The following COL22A1 variants were observed in gnomAD, a reference collection of about 807,000 sequenced individuals.
COL22A1 encodes the protein collagen alpha-1(XXII) chain.
COL22A1 carries 221 observed loss-of-function variants against 248.9 expected under a neutral mutation model. The observed-to-expected ratio is 0.89, with a 90% CI of 0.80 to 0.99. The LOEUF (loss-of-function observed/expected upper bound fraction) is 0.99. Ranked by LOEUF, COL22A1 falls within the 50% of genes least tolerant of loss-of-function variation. COL22A1 has a pLI of 0.00. For missense variants in COL22A1, 2,240 were observed against 2,179.0 expected (o/e 1.03, Z -0.56); for synonymous variants, 891 against 793.4 (o/e 1.12, Z -2.07).
chr8:138,870,320 A>G (rs1225931499), intron 3 of COL22A1, among the ~76,000 whole-genome samples: 2 of 151,290 alleles, frequency 1.3e-5, no homozygotes, highest in Admixed American at 6.6e-5. Flanking sequence ...GTGTGTGTAT[A>G]TAGAATGTGT....
At chr8:138,847,323 T>C (rs1230933840) in intron 3 of COL22A1, among the ~76,000 whole-genome samples, 1 of 152,208 alleles carries the variant, frequency 6.6e-6, no homozygotes, top group East Asian at 1.9e-4. Flanking sequence ...CGTTATGATT[T>C]TGATGAGCCA....
rs180991489 is a variant in COL22A1 at position 138,813,755 on chromosome 8, C to T, written c.1246-736G>A. On this transcript the variant is annotated intron_variant, in intron 7 of 64. Transcript: ENST00000303045. Reference sequence around the variant, plus strand: ...AGCGTTTTGTTCTACACTGAAGGTGCTAAGGCCTCTGCCCTCCGCTCCGCA... The same window carrying T: ...AGCGTTTTGTTCTACACTGAAGGTGTTAAGGCCTCTGCCCTCCGCTCCGCA... Among the ~76,000 whole-genome samples, 293 of 152,102 alleles carry T rather than the reference C, an allele frequency of 1.9e-3. 2 individuals are homozygous for T. The highest frequency in any genetic ancestry group is 2.8e-3 in the Non-Finnish European group (191 of 68,006).
At chr8:138,724,966 T>G (rs1434931875) in intron 24 of COL22A1, among the ~76,000 whole-genome samples, 1 of 152,206 alleles carries the variant, frequency 6.6e-6, no homozygotes, top group Non-Finnish European at 1.5e-5. Context: ...TAGGTGGGTG[T>G]GGATTCTCCC....
chr8:138,647,337 C>T (rs550350831), intron 46 of COL22A1, among the ~76,000 whole-genome samples: 21 of 152,202 alleles, frequency 1.4e-4, no homozygotes, highest in Non-Finnish European at 2.6e-4. Context: ...AACAACCCAG[C>T]GAAACCACTT....
chr8:138,676,935 A>G (rs1257965253), intron 40 of COL22A1, among the ~76,000 whole-genome samples: 3 of 152,186 alleles, frequency 2.0e-5, no homozygotes, highest in African/African-American at 7.2e-5. Context: ...GCATTGTCCA[A>G]ATCTACCATG....
intron 47 of COL22A1, among the ~76,000 whole-genome samples, chr8:138,637,713 G>A (rs759066922): frequency 6.6e-6 from 1 of 152,158 alleles, no homozygotes; most frequent in Non-Finnish European, 1.5e-5. Context: ...GTTACTGTGA[G>A]AGTTAAATGA....
intron 12 of COL22A1, among the ~76,000 whole-genome samples, chr8:138,790,482 T>TG (rs1404965998): frequency 2.0e-5 from 3 of 152,226 alleles, no homozygotes; most frequent in Non-Finnish European, 4.4e-5. Context: ...GTCAACACTC[T>TG]GGGAGAGAGG....
intron 41 of COL22A1, among the ~76,000 whole-genome samples, chr8:138,666,530 A>G (rs1824519128): frequency 1.3e-5 from 2 of 152,250 alleles, no homozygotes; most frequent in Non-Finnish European, 2.9e-5. Flanking sequence ...GGTCTCTTTG[A>G]CTCAGAAGCC....
At chr8:138,705,176 G>A (rs1257567936) in intron 30 of COL22A1, among the ~76,000 whole-genome samples, 9 of 152,170 alleles carry the variant, frequency 5.9e-5, no homozygotes, top group East Asian at 5.8e-4. Context: ...TGAAAGTGAC[G>A]GGGAGAATGG....
rs745396852 is a variant in COL22A1, at chr8:138,655,919, C to A, written c.3311G>T (p.Gly1104Val). The A allele has an allele frequency of 1.2e-6, 2 of 1,612,844 alleles. No individual in the cohort carries two copies. The highest frequency in any genetic ancestry group is 1.1e-5 in the South Asian group (1 of 91,006). ...KPGLSSLLSP[G>V]DINLLAKDVC... ...TACCTTAGCCAAGAGATTTATGTCC[C>A]CTGGAGACAGTAGTGAAGAGAGGCC... is the stretch of plus-strand genomic sequence containing the variant. The change falls in exon 45 of 65, where the codon GGG (glycine) becomes GTG (valine). Residue 1104 changes from glycine (G) to valine (V), a missense_variant. By Grantham distance (109) the Gly-to-Val change is moderately radical. Transcript: ENST00000303045.
chr8:138,861,726 C>T (rs541588926), intron 3 of COL22A1, among the ~76,000 whole-genome samples: 7 of 152,300 alleles, frequency 4.6e-5, no homozygotes, highest in Middle Eastern at 3.4e-3. Flanking sequence ...TGACCGCAAC[C>T]TGCTTTTCCA....
chr8:138,894,883 T>TA (rs892812784), intron 1 of COL22A1, among the ~76,000 whole-genome samples: 1 of 151,900 alleles, frequency 6.6e-6, no homozygotes, highest in Admixed American at 6.6e-5. Flanking sequence ...ATTTTTACCT[T>TA]AAAAAACAAA....
chr8:138,791,604 A>T (rs551308275), intron 12 of COL22A1, among the ~76,000 whole-genome samples: 1 of 152,114 alleles, frequency 6.6e-6, no homozygotes, highest in African/African-American at 2.4e-5. Context: ...CACCCCACAA[A>T]CACCCTCCAA....
At chr8:138,733,961 A>T (rs764685235) in intron 23 of COL22A1, among the ~76,000 whole-genome samples, 6 of 152,146 alleles carry the variant, frequency 3.9e-5, no homozygotes, top group Admixed American at 6.5e-5. Context: ...ACCAGGTACT[A>T]GACCGTGAGA....
chr8:138,686,213 A>T (rs752089226), intron 37 of COL22A1, among the ~76,000 whole-genome samples: 11 of 152,160 alleles, frequency 7.2e-5, no homozygotes, highest in African/African-American at 2.4e-4. Flanking sequence ...AGAGAGAGAG[A>T]GTGTGAGAGT....
chr8:138,801,892 G>A (rs1817030557), intron 11 of COL22A1, among the ~76,000 whole-genome samples: 1 of 151,890 alleles, frequency 6.6e-6, no homozygotes, highest in Non-Finnish European at 1.5e-5. Context: ...AAAAAAAAAG[G>A]AAAGAAAGAA....
intron 2 of COL22A1, among the ~76,000 whole-genome samples, chr8:138,882,618 ACT>A (rs1220427256): frequency 7.3e-6 from 1 of 137,542 alleles, no homozygotes; most frequent in Non-Finnish European, 1.6e-5. Context: ...ACTCCCACAC[ACT>A]CTTCCTCAAA....
chr8:138,724,995 T>C (rs1310907974), intron 24 of COL22A1, among the ~76,000 whole-genome samples: 1 of 152,212 alleles, frequency 6.6e-6, no homozygotes, highest in East Asian at 1.9e-4. Context: ...CATGCCCACT[T>C]TCAGGACACT....
intron 3 of COL22A1, among the ~76,000 whole-genome samples, chr8:138,872,945 T>C (rs1384437910): frequency 3.3e-5 from 5 of 152,232 alleles, no homozygotes; most frequent in African/African-American, 9.6e-5. Context: ...AATGGGGATA[T>C]TGATTTTTTT....
Sources: gnomAD v4.1 joint callset for allele counts (sites outside exome capture counted in the v4.1 genomes callset) on GRCh38, gnomAD v4.1.1 for gene constraint, MANE v1.5 for transcripts, NCBI Gene and HGNC (gene_info 2026-07-23, HGNC 2026-07-21) for gene names.